GPHN: variants seen among roughly 807,000 people sequenced by gnomAD.
The protein encoded by GPHN is gephyrin.
GPHN carries 17 observed loss-of-function variants against 95.5 expected under a neutral mutation model. The ratio of observed to expected loss-of-function variants is 0.18; its 90% CI spans 0.12 to 0.27. The LOEUF is 0.27. Among genes scored for constraint, GPHN ranks in the 10% least tolerant of loss-of-function variants. The pLI is 1.00. For synonymous variants in GPHN, 320 were observed against 322.5 expected (o/e 0.99, Z 0.08); for missense variants, 660 against 978.1 (o/e 0.67, Z 4.34).
At chr14:67,473,825 G>A in the GPHN span, 6 of 1,613,512 alleles carry the variant, frequency 3.7e-6, no homozygotes, top group African/African-American at 1.3e-5. The surrounding 1 kb of genome is among the most constrained non-coding windows in gnomAD (Gnocchi z 6.5). Context: ...AGTTCACCAC[G>A]AACTCCCAGG....
intron 2 of GPHN, among the ~76,000 whole-genome samples, chr14:66,717,491 G>A (rs1469148345): frequency 6.6e-6 from 1 of 152,000 alleles, no homozygotes; most frequent in African/African-American, 2.4e-5. Flanking sequence ...ATAATCTTCA[G>A]AATTCTTTTT....
chr14:66,598,676 C>T (rs1301117871), intron 1 of GPHN, among the ~76,000 whole-genome samples: 1 of 152,062 alleles, frequency 6.6e-6, no homozygotes, highest in East Asian at 1.9e-4. Context: ...GAAACCCCAT[C>T]TCTACTAAAA....
chr14:67,360,190 A>C, the GPHN span: 1 of 404,028 alleles, frequency 2.5e-6, no homozygotes, highest in Middle Eastern at 6.2e-4. Flanking sequence ...AGCTAAAGCT[A>C]AGATAGCGAG....
chr14:66,627,037 A>T (rs1209123076), intron 1 of GPHN, among the ~76,000 whole-genome samples: 1 of 152,016 alleles, frequency 6.6e-6, no homozygotes, highest in Non-Finnish European at 1.5e-5. Flanking sequence ...GATCTTTTAT[A>T]TAAAATATTC....
chr14:66,685,836 A>C (rs922723028), intron 2 of GPHN, among the ~76,000 whole-genome samples: 2 of 152,128 alleles, frequency 1.3e-5, no homozygotes, highest in African/African-American at 4.8e-5. Flanking sequence ...CTATGTCCTG[A>C]ATGGTATTGC....
intron 4 of GPHN, among the ~76,000 whole-genome samples, chr14:66,874,365 A>G (rs973012663): frequency 1.3e-5 from 2 of 152,084 alleles, no homozygotes; most frequent in African/African-American, 2.4e-5. Flanking sequence ...AAGGATCACA[A>G]CTCCTCGCCA....
At chr14:67,260,277 C>G in the GPHN span, among the ~76,000 whole-genome samples, 1 of 152,168 alleles carries the variant, frequency 6.6e-6, no homozygotes. Flanking sequence ...ATCTTGGAAG[C>G]TAAGCAGGGT....
At chr14:66,739,711 G>A (rs2030520459) in intron 2 of GPHN, among the ~76,000 whole-genome samples, 1 of 151,918 alleles carries the variant, frequency 6.6e-6, no homozygotes, top group Non-Finnish European at 1.5e-5. Context: ...CACTGAACAC[G>A]AAAAGCTACA....
chr14:66,721,783 T>C (rs1247781223), intron 2 of GPHN, among the ~76,000 whole-genome samples: 2 of 151,792 alleles, frequency 1.3e-5, no homozygotes, highest in African/African-American at 4.8e-5. Flanking sequence ...AAACCTCGTT[T>C]CTATCAAAAA....
At chr14:67,079,445 T>G (rs915430739) in intron 11 of GPHN, among the ~76,000 whole-genome samples, 1 of 152,208 alleles carries the variant, frequency 6.6e-6, no homozygotes, top group Middle Eastern at 3.4e-3. Context: ...TAGCCCTAAA[T>G]AAACCACTAG....
At chr14:67,409,532 C>A in the GPHN span, among the ~76,000 whole-genome samples, 4 of 152,218 alleles carry the variant, frequency 2.6e-5, no homozygotes, top group Non-Finnish European at 5.9e-5. Context: ...GAACGCCCGG[C>A]AGTGCTTCTG....
the GPHN span, among the ~76,000 whole-genome samples, chr14:67,362,836 C>T: frequency 6.6e-6 from 1 of 152,070 alleles, no homozygotes; most frequent in Non-Finnish European, 1.5e-5. Context: ...GGTATGGATT[C>T]TTTTTGTACT....
At chr14:67,352,948 C>A in the GPHN span, 1 of 1,611,690 alleles carries the variant, frequency 6.2e-7, no homozygotes, top group African/African-American at 1.3e-5. Context: ...TAGGATCTGT[C>A]GAAATCGAAG....
chr14:67,354,247 T>C, the GPHN span, among the ~76,000 whole-genome samples: 9 of 152,348 alleles, frequency 5.9e-5, no homozygotes, highest in African/African-American at 1.9e-4. Context: ...AATCAATATC[T>C]GGAATATTTA....
At chr14:66,946,921 G>A (rs956874046) in intron 8 of GPHN, among the ~76,000 whole-genome samples, 2 of 152,098 alleles carry the variant, frequency 1.3e-5, no homozygotes, top group Non-Finnish European at 2.9e-5. Flanking sequence ...TTATTTCAGT[G>A]GCTGGTCTCA....
At chr14:66,646,921 C>T (rs1005481386) in intron 1 of GPHN, among the ~76,000 whole-genome samples, 10 of 151,844 alleles carry the variant, frequency 6.6e-5, no homozygotes, top group East Asian at 1.9e-4. Context: ...TACAGTGACA[C>T]GGTCTCACTC....
chr14:67,604,724 A>ACAAC, the GPHN span, among the ~76,000 whole-genome samples: 2,577 of 151,936 alleles, frequency 0.017, 84 homozygotes, highest in African/African-American at 0.059. Context: ...AACAACAACA[A>ACAAC]AAAAAACTTT....
the GPHN span, among the ~76,000 whole-genome samples, chr14:67,542,761 C>T: frequency 0.012 from 1,809 of 152,148 alleles, 37 homozygotes; most frequent in East Asian, 0.062. Context: ...AGTGCAATGG[C>T]GCCATCGCAG....
chr14:67,312,720 A>G, the GPHN span: 1 of 1,562,982 alleles, frequency 6.4e-7, no homozygotes, highest in South Asian at 1.2e-5. Context: ...GGTAAGACAC[A>G]ATATGGTAGA....
Sources: allele counts gnomAD v4.1 joint callset (sites outside exome capture counted in the v4.1 genomes callset), GRCh38; gene constraint gnomAD v4.1.1; non-coding constraint Gnocchi (gnomAD v3.1); transcripts MANE v1.5; gene names NCBI Gene and HGNC (gene_info 2026-07-23, HGNC 2026-07-21).